Variants in RFC1 observed in about 807,000 individuals in gnomAD.
The protein encoded by RFC1 is replication factor C subunit 1.
A neutral mutation model predicts 137.4 loss-of-function variants in RFC1; 37 were observed. That is an observed-to-expected ratio of 0.27 (90% CI 0.21 to 0.35). RFC1 has a LOEUF of 0.35. RFC1 is among the 10% of genes least tolerant of loss of function. The pLI, the probability that RFC1 is intolerant of heterozygous loss-of-function variation, is 1.00. For missense variants in RFC1, 1,205 were observed against 1,358.5 expected (o/e 0.89, Z 1.78); for synonymous variants, 429 against 455.7 (o/e 0.94, Z 0.75).
chr4:39,324,979 T>G (rs1394156756), intron 6 of RFC1, among the ~76,000 whole-genome samples: 1 of 152,218 alleles, frequency 6.6e-6, no homozygotes, highest in Non-Finnish European at 1.5e-5. Flanking sequence ...TTGGCTTCTG[T>G]AAGATATCAA....
In RFC1 at chr4:39,300,281, T is replaced by A. The variant is rs762899997; in HGVS notation, c.2669A>T (p.His890Leu). Residue 890 changes from histidine (H) to leucine (L), a missense_variant, in exon 20 of 25, where the codon CAC becomes CTC. Physicochemically the swap from His to Leu is moderately conservative, Grantham distance 99 (BLOSUM62 -3). Transcript: ENST00000349703. ...APLFVQENYI[H>L]VKPVAAGGDM... ...TCACCCTGCTGCTACAGGCTTCACG[T>A]GTATGTAATTTTCCTGGACGAAGAG... 11 of 1,614,150 alleles carry A rather than the reference T, an allele frequency of 6.8e-6. No homozygotes were observed. Among genetic ancestry groups the A allele is most frequent in the Non-Finnish European group, 9.3e-6 (11 of 1,180,008 alleles).
At position 39,342,425 on chromosome 4, in the gene RFC1, T is replaced by A; in HGVS notation, c.251A>T (p.Lys84Met). 6.2e-7 allele frequency: 1 copy of A among 1,613,330 alleles called. No homozygotes were observed. The highest frequency in any genetic ancestry group is 8.5e-7 in the Non-Finnish European group (1 of 1,179,468). Residue 84 changes from lysine to methionine, a missense_variant, in exon 4 of 25, where the codon AAG becomes ATG. By Grantham distance (95) the Lys-to-Met change is moderately conservative (BLOSUM62 -1). Around this residue, in one of 3 missense-constraint regions of RFC1, gnomAD observed 962 missense variants for 1,035.3 expected, o/e 0.93. Coordinates refer to ENST00000349703, the MANE Select transcript of RFC1 (RefSeq NM_002913.5). ...AGATACTGGCAGTTTTTCTGGTGGC[T>A]TTTTGGCATTTTTTACCTGCAACGT... is the stretch of plus-strand genomic sequence containing the variant. ...EETLQVKNAK[K>M]PPEKLPVSSK...
chr4:39,354,749 C>CAA lies in RFC1; in HGVS notation c.4-3275_4-3274dup, dbSNP rs34342477. On this transcript the variant is annotated intron_variant, in intron 1 of 24. Transcript: ENST00000349703. ...CCTGGACAACATAGTGAAACTATCT[C>CAA]AAAAAAAAAAAAAAAAAAAAAAAAG... Among the ~76,000 whole-genome samples, 233 of 50,734 alleles carry CAA rather than the reference C, an allele frequency of 4.6e-3. 1 individual carries two copies. Among genetic ancestry groups the CAA allele is most frequent in the African/African-American group, 0.01 (136 of 13,234 alleles). The allele number at this position is 50,734 out of a possible 152,430, so 33.3% of individuals were successfully genotyped here.
chr4:39,304,774 T>C, intron 15 of RFC1, 40 bp downstream of exon 15: 1 of 1,110,458 alleles, frequency 9.0e-7, no homozygotes, highest in Non-Finnish European at 1.4e-6. Context: ...GAACATATTT[T>C]TCTTATATAA....
In RFC1 at chr4:39,342,466, A is replaced by C. The variant is rs1483758535; in HGVS notation, c.210T>G (p.Asp70Glu). The change falls in exon 4 of 25, where the codon GAT becomes GAG. Residue 70 changes from aspartate to glutamate, a missense_variant and splice_region_variant. By Grantham distance (45) the Asp-to-Glu change is conservative. Transcript: ENST00000349703. ...CCTGCAACGTCTCCTCTGACTCTGAATCTGTATGTGAGAGAAAAATAAAAC... is the reference window on the plus strand; with the variant it reads ...CCTGCAACGTCTCCTCTGACTCTGACTCTGTATGTGAGAGAAAAATAAAAC... ...SKKKRIIYDS[D>E]SESEETLQVK... 2 of 1,612,056 alleles carry C rather than the reference A, an allele frequency of 1.2e-6. No homozygotes were observed. The highest frequency in any genetic ancestry group is 1.7e-6 in the Non-Finnish European group (2 of 1,178,882).
chr4:39,303,729 C>T (rs1238711195), intron 15 of RFC1, among the ~76,000 whole-genome samples: 2 of 152,254 alleles, frequency 1.3e-5, no homozygotes, highest in Admixed American at 6.5e-5. Context: ...GCTGGGATTA[C>T]AGGCGTGAGC....
In RFC1 at chr4:39,309,004, G is replaced by A. The variant is rs756968126; in HGVS notation, c.1517C>T (p.Thr506Ile). Residue 506 changes from threonine to isoleucine, a missense_variant, in exon 13 of 25, where the codon ACA becomes ATA. Thr to Ile is a moderately conservative substitution (Grantham distance 89, BLOSUM62 -1). This residue lies in a region of RFC1 where 962 missense variants were observed against 1,035.3 expected (regional missense o/e 0.93). Coordinates refer to ENST00000349703, the MANE Select transcript of RFC1 (RefSeq NM_002913.5). ...TTTTCCTTGGACATTTTTTTGGGGT[G>A]TTCTCTCCAGTTTGGACTCTTTCTT... is the stretch of plus-strand genomic sequence containing the variant. The part of the protein sequence containing the change: ...EMKKESKLER[T>I]PQKNVQGKRK... The A allele has an allele frequency of 6.2e-7, 1 of 1,608,944 alleles. No homozygotes were observed. Among genetic ancestry groups the A allele is most frequent in the Non-Finnish European group, 8.5e-7 (1 of 1,179,030 alleles).
intron 24 of RFC1, 117 bp from the exon 25 acceptor site, chr4:39,288,961 C>G: frequency 1.4e-6 from 1 of 718,554 alleles, no homozygotes; most frequent in South Asian, 1.8e-5. Flanking sequence ...AGAAGAGAGG[C>G]TGCAAACATC....
At chr4:39,318,464 A>G (rs990201275) in intron 9 of RFC1, among the ~76,000 whole-genome samples, 1 of 152,264 alleles carries the variant, frequency 6.6e-6, no homozygotes, top group East Asian at 1.9e-4. Flanking sequence ...AGCGTATACA[A>G]TAACTTTGAA....
rs1739460757 is a variant in RFC1, at chr4:39,320,447, G to T, written c.1031C>A (p.Ala344Asp). 2.5e-6 allele frequency: 4 copies of T among 1,580,708 alleles called. No individual in the cohort carries two copies. Among genetic ancestry groups the T allele is most frequent in the Non-Finnish European group, 3.4e-6 (4 of 1,170,390 alleles). ...EPVASKRKEN[A>D]IKLKGETKTP... ...TTTTGTCTCTCCTTTCAATTTAATGGCATTTTCTTTTCTTTTTGAGGCCAC... is the reference window on the plus strand; with the variant it reads ...TTTTGTCTCTCCTTTCAATTTAATGTCATTTTCTTTTCTTTTTGAGGCCAC... Residue 344 changes from alanine to aspartate, a missense_variant, in exon 9 of 25, where the codon GCC (alanine) becomes GAC (aspartate). Transcript: ENST00000349703.
chr4:39,360,706 G>A (rs1741715277), intron 1 of RFC1, among the ~76,000 whole-genome samples: 1 of 152,012 alleles, frequency 6.6e-6, no homozygotes, highest in South Asian at 2.1e-4. Context: ...CTGCACTCCA[G>A]CCTGAGCAAC....
chr4:39,344,536 C>G (rs1486604507), intron 3 of RFC1, among the ~76,000 whole-genome samples: 1 of 152,116 alleles, frequency 6.6e-6, no homozygotes, highest in Admixed American at 6.5e-5. Flanking sequence ...CCGAGGAAGG[C>G]GAATTGTTTG....
intron 7 of RFC1, 77 bp from the exon 8 acceptor site, chr4:39,321,451 T>C (rs748561584): frequency 2.2e-6 from 3 of 1,388,804 alleles, no homozygotes; most frequent in Non-Finnish European, 3.0e-6. Context: ...TTAAAATCCA[T>C]CAAAATTTTA....
chr4:39,311,851 G>C (rs533738715), intron 11 of RFC1, among the ~76,000 whole-genome samples: 1 of 152,218 alleles, frequency 6.6e-6, no homozygotes, highest in Non-Finnish European at 1.5e-5. Flanking sequence ...TGGCCACTAG[G>C]GCCTAAGACC....
chr4:39,365,358 T>C (rs1347897493), intron 1 of RFC1: 3 of 645,722 alleles, frequency 4.6e-6, no homozygotes, highest in Admixed American at 1.3e-4. Context: ...TGACCAATGA[T>C]TGAAAAAAAT....
chr4:39,308,057 A>C (rs1299270305), intron 13 of RFC1, among the ~76,000 whole-genome samples: 1 of 152,194 alleles, frequency 6.6e-6, no homozygotes, highest in Non-Finnish European at 1.5e-5. Flanking sequence ...GAAACTACAG[A>C]AGCACAGGCC....
Position 39,366,338 on chromosome 4 carries a change from C to A in RFC1, c.-97G>T. The A allele has an allele frequency of 1.5e-6, 2 of 1,339,110 alleles. No individual in the cohort carries two copies. Among genetic ancestry groups the A allele is most frequent in the Non-Finnish European group, 2.0e-6 (2 of 1,020,046 alleles). 83.0% of individuals were successfully genotyped at this position (1,339,110 alleles called of 1,614,324 possible). A position where few individuals can be genotyped will look rare whatever the true frequency, so the allele number is the denominator to read the frequency against. Reference sequence around the variant, plus strand: ...GATCCATTCGCGCCAACAACTTCTCCCGCGAAGTGCAAGAAGGCGAAGACA... The same window carrying A: ...GATCCATTCGCGCCAACAACTTCTCACGCGAAGTGCAAGAAGGCGAAGACA... On this transcript the variant is annotated 5_prime_UTR_variant, in exon 1 of 25. Transcript: ENST00000349703.
chr4:39,320,405 T>C lies in RFC1; in HGVS notation c.1073A>G (p.Lys358Arg), dbSNP rs746285755. Residue 358 changes from lysine to arginine, a missense_variant, in exon 9 of 25, where the codon AAA (lysine) becomes AGA (arginine). Physicochemically the swap from Lys to Arg is conservative, Grantham distance 26. This residue lies in a region of RFC1 where 962 missense variants were observed against 1,035.3 expected (regional missense o/e 0.93). Coordinates refer to ENST00000349703, the MANE Select transcript of RFC1 (RefSeq NM_002913.5). Reference sequence around the variant, plus strand: ...TACCTCTTTTTTAGCTGGAGAACTTTTGGTTTTCTTAGGAGTTTTTGTCTC... The same window carrying C: ...TACCTCTTTTTTAGCTGGAGAACTTCTGGTTTTCTTAGGAGTTTTTGTCTC... ...KGETKTPKKT[K>R]SSPAKKESVS... is the part of the protein sequence containing the mutation. 7.7e-6 allele frequency: 12 copies of C among 1,555,978 alleles called. No individual in the cohort carries two copies. Among genetic ancestry groups the C allele is most frequent in the South Asian group, 6.1e-5 (5 of 81,838 alleles).
intron 4 of RFC1, among the ~76,000 whole-genome samples, chr4:39,341,880 ATT>A (rs1414267922): frequency 6.6e-6 from 1 of 152,186 alleles, no homozygotes; most frequent in Non-Finnish European, 1.5e-5. Flanking sequence ...ACAGAACTAA[ATT>A]TAAGTACAAA....
Sources: allele counts gnomAD v4.1 joint callset (sites outside exome capture counted in the v4.1 genomes callset), GRCh38; gene constraint gnomAD v4.1.1; regional missense constraint gnomAD v4.1.1; transcripts MANE v1.5; gene names NCBI Gene and HGNC (gene_info 2026-07-23, HGNC 2026-07-21).